NEO1: variants seen among roughly 807,000 people sequenced by gnomAD.
The protein encoded by NEO1 is neogenin 1, also known as neogenin.
A neutral mutation model predicts 159.7 loss-of-function variants in NEO1; 63 were observed. The observed-to-expected ratio is 0.39, with a 90% CI of 0.32 to 0.49. The LOEUF (loss-of-function observed/expected upper bound fraction) is 0.49. Among genes scored for constraint, NEO1 ranks in the 20% least tolerant of loss-of-function variants. The probability of loss-of-function intolerance (pLI) is 0.85; values close to 1 mark genes in which losing one functional copy is unlikely to be tolerated. For synonymous variants in NEO1, 633 were observed against 662.0 expected (o/e 0.96, Z 0.67); for missense variants, 1,615 against 1,831.0 (o/e 0.88, Z 2.15).
At chr15:73,124,230 T>C (rs2071839851) in intron 3 of NEO1, among the ~76,000 whole-genome samples, 1 of 136,814 alleles carries the variant, frequency 7.3e-6, no homozygotes, top group Admixed American at 8.0e-5. Context: ...TCTGGCTAAT[T>C]TTTTTGTATT....
chr15:73,225,876 C>T (rs186687229), intron 7 of NEO1, among the ~76,000 whole-genome samples: 9 of 152,208 alleles, frequency 5.9e-5, no homozygotes, highest in Admixed American at 3.3e-4. Flanking sequence ...GTGTTTTTCC[C>T]CACACTCCTC....
chr15:73,076,208 G>T (rs376298532), intron 1 of NEO1, among the ~76,000 whole-genome samples: 1 of 152,092 alleles, frequency 6.6e-6, no homozygotes, highest in South Asian at 2.1e-4. Context: ...AAACAGCCAC[G>T]ATGAATATTT....
rs1404367472 is a variant in NEO1 at position 73,238,274 on chromosome 15, T to G, written c.1451+1768T>G. ...GTTTGTTTCGCTTTTAGTTTGGGTT[T>G]TTTTTTTTTTTTTTTTTTTTTTTTT... On this transcript the variant is annotated intron_variant, in intron 8 of 28. Transcript: ENST00000261908. Among the ~76,000 whole-genome samples the G allele has an allele frequency of 8.1e-4, 8 of 9,872 alleles. No homozygotes were observed. In the South Asian group the frequency reaches 0.019, roughly 23 times the overall value. The allele number at this position is 9,872 out of a possible 152,430, so 6.5% of individuals were successfully genotyped here. A position where few individuals can be genotyped will look rare whatever the true frequency, so the allele number is the denominator to read the frequency against.
intron 22 of NEO1, among the ~76,000 whole-genome samples, chr15:73,279,401 T>A (rs2041587389): frequency 7.1e-6 from 1 of 140,786 alleles, no homozygotes; most frequent in South Asian, 2.3e-4. Flanking sequence ...CAGGCTGGAG[T>A]GCAGTGGCAT....
intron 5 of NEO1, among the ~76,000 whole-genome samples, chr15:73,164,208 TG>T (rs1340184528): frequency 1.9e-4 from 28 of 144,748 alleles, no homozygotes; most frequent in Admixed American, 1.7e-3. Context: ...TTATTATTAT[TG>T]GTTTTTTTTT....
chr15:73,204,500 T>C (rs2037102224), intron 7 of NEO1, among the ~76,000 whole-genome samples: 2 of 152,174 alleles, frequency 1.3e-5, no homozygotes, highest in African/African-American at 4.8e-5. Flanking sequence ...TGCATTTTAG[T>C]GTAGGAAGTT....
chr15:73,105,454 T>C (rs1182290682), intron 1 of NEO1, among the ~76,000 whole-genome samples: 2 of 152,208 alleles, frequency 1.3e-5, no homozygotes, highest in Non-Finnish European at 1.5e-5. Context: ...TAAGGACATT[T>C]TCCTAAATAA....
At chr15:73,203,629 T>G (rs2037040252) in intron 7 of NEO1, among the ~76,000 whole-genome samples, 1 of 152,146 alleles carries the variant, frequency 6.6e-6, no homozygotes, top group South Asian at 2.1e-4. Flanking sequence ...TTATACTTAT[T>G]TTAAAAATTT....
At chr15:73,083,281 G>A (rs1430967266) in intron 1 of NEO1, among the ~76,000 whole-genome samples, 1 of 152,110 alleles carries the variant, frequency 6.6e-6, no homozygotes, top group African/African-American at 2.4e-5. Context: ...GTAAATGGGC[G>A]TGATGAGAGG....
chr15:73,289,388 C>A, intron 25 of NEO1, 150 bp downstream of exon 25: 1 of 691,346 alleles, frequency 1.4e-6, no homozygotes, highest in Non-Finnish European at 2.5e-6. Context: ...GTACCAAACA[C>A]TTGCCATATT....
chr15:73,095,207 T>TAA (rs58483911), intron 1 of NEO1, among the ~76,000 whole-genome samples: 21 of 140,758 alleles, frequency 1.5e-4, no homozygotes, highest in East Asian at 4.1e-4. Context: ...GACTCTGTCT[T>TAA]AAAAAAAAAA....
intron 1 of NEO1, among the ~76,000 whole-genome samples, chr15:73,097,776 CTTTTTTTTTTTTT>C (rs34165169): frequency 2.6e-5 from 2 of 75,554 alleles, no homozygotes; most frequent in African/African-American, 8.4e-5. Flanking sequence ...TGGAACTAGC[CTTTTTTTTTTTTT>C]TTTTTTTTTG....
rs1567679061 is a variant in NEO1 at position 73,279,350 on chromosome 15, G to GTTTTTTT, written c.3262+1151_3262+1152insTTTTTTT. On this transcript the variant is annotated intron_variant, in intron 22 of 28. Transcript: ENST00000261908. ...CATGTTTTTTTGTTGTTTTGGTTTT[G>GTTTTTTT]GTTTTTTTTTTTTTTTGAGATGGAA... 2.8e-3 allele frequency among the ~76,000 whole-genome samples: 160 copies of GTTTTTTT among 58,174 alleles called. 1 individual carries two copies. Among genetic ancestry groups the GTTTTTTT allele is most frequent in the African/African-American group, 5.3e-3 (145 of 27,590 alleles). 38.2% of individuals were successfully genotyped at this position (58,174 alleles called of 152,430 possible). A position where few individuals can be genotyped will look rare whatever the true frequency, so the allele number is the denominator to read the frequency against.
intron 7 of NEO1, among the ~76,000 whole-genome samples, chr15:73,195,288 T>C (rs2036475501): frequency 6.6e-6 from 1 of 152,228 alleles, no homozygotes; most frequent in South Asian, 2.1e-4. Flanking sequence ...TTGGTAGTTA[T>C]ATTTAAAAGA....
intron 23 of NEO1, among the ~76,000 whole-genome samples, chr15:73,288,088 G>T (rs1336794213): frequency 6.6e-6 from 1 of 152,068 alleles, no homozygotes; most frequent in Non-Finnish European, 1.5e-5. Flanking sequence ...AAAGACCCTG[G>T]TAAGTATCTC....
chr15:73,186,618 C>T (rs148604143), intron 7 of NEO1, among the ~76,000 whole-genome samples: 215 of 151,684 alleles, frequency 1.4e-3, no homozygotes, highest in African/African-American at 4.9e-3. Flanking sequence ...TTTATTTCCA[C>T]CTTCACAAAC....
Position 73,301,352 on chromosome 15 carries a change from A to G in NEO1, c.4197A>G (p.Thr1399=). ...ACCATCACATTCACTCAGTGAAGAC[A>G]GCCTCCATCGGGACTCTAGGAAGGA... is the stretch of plus-strand genomic sequence containing the variant. ...ALNHHIHSVK[T]ASIGTLGRSR... The change falls in exon 28 of 29, where the codon ACA becomes ACG. Residue 1399 remains threonine (T), a synonymous_variant. Transcript: ENST00000261908. The G allele has an allele frequency of 1.9e-6, 3 of 1,614,192 alleles. No homozygotes were observed. Among genetic ancestry groups the G allele is most frequent in the Non-Finnish European group, 2.5e-6 (3 of 1,180,034 alleles).
intron 2 of NEO1, among the ~76,000 whole-genome samples, chr15:73,119,263 G>T (rs1242896613): frequency 6.6e-6 from 1 of 151,964 alleles, no homozygotes; most frequent in Non-Finnish European, 1.5e-5. Flanking sequence ...GAACTTTATG[G>T]TATATAAATT....
At chr15:73,071,513 A>G (rs28481558) in intron 1 of NEO1, among the ~76,000 whole-genome samples, 83,035 of 151,936 alleles carry the variant, frequency 0.55, 23,062 homozygotes, top group Middle Eastern at 0.6. Context: ...ATTCACTTAG[A>G]TGTTTTTTGT....
Sources: gnomAD v4.1 joint callset for allele counts (sites outside exome capture counted in the v4.1 genomes callset) on GRCh38, gnomAD v4.1.1 for gene constraint, MANE v1.5 for transcripts, NCBI Gene and HGNC (gene_info 2026-07-23, HGNC 2026-07-21) for gene names.